TJP1: variants seen among roughly 807,000 people sequenced by gnomAD.
TJP1 encodes tight junction protein ZO-1.
Under a neutral mutation model 194.2 loss-of-function variants are expected in TJP1, and 43 were observed. That is an observed-to-expected ratio of 0.22 (90% CI 0.17 to 0.29). TJP1 has a LOEUF of 0.29. Among genes scored for constraint, TJP1 ranks in the 10% least tolerant of loss-of-function variants. TJP1 has a pLI of 1.00. For missense variants in TJP1, 1,971 were observed against 2,185.7 expected, an observed-to-expected ratio of 0.90 and a Z score of 1.96; for synonymous variants, 801 against 779.0, an observed-to-expected ratio of 1.03 and a Z score of -0.47.
At chr15:29,865,918 A>G (rs933720946) in intron 2 of TJP1, among the ~76,000 whole-genome samples, 1 of 152,228 alleles carries the variant, frequency 6.6e-6, no homozygotes, top group African/African-American at 2.4e-5. Flanking sequence ...TCAAATCGCC[A>G]GGCACTGTGC....
At chr15:29,951,737 C>T (rs1471771506) in intron 2 of TJP1, among the ~76,000 whole-genome samples, 2 of 152,142 alleles carry the variant, frequency 1.3e-5, no homozygotes, top group African/African-American at 4.8e-5. Context: ...GTTAAGGGAA[C>T]ATCACCATAA....
intron 2 of TJP1, among the ~76,000 whole-genome samples, chr15:29,884,008 C>G (rs542754742): frequency 2.0e-5 from 3 of 152,082 alleles, no homozygotes; most frequent in African/African-American, 7.2e-5. Context: ...CCCAGGAAAA[C>G]GATTTTAGGC....
At position 29,766,383 on chromosome 15, in the gene TJP1, C is replaced by T. The variant is rs761357149; in HGVS notation, c.472G>A (p.Asp158Asn). 1 of 1,614,178 alleles carries T rather than the reference C, an allele frequency of 6.2e-7. No individual in the cohort carries two copies. Among genetic ancestry groups the T allele is most frequent in the South Asian group, 1.1e-5 (1 of 91,080 alleles). The change falls in exon 5 of 28, where the codon GAT becomes AAT. Residue 158 changes from aspartate to asparagine, a missense_variant. By Grantham distance (23) the Asp-to-Asn change is conservative. Transcript: ENST00000614355. ...NRRSEKIWPRDRSASRERSLS... is the reference protein window; with the variant it reads ...NRRSEKIWPRNRSASRERSLS... Reference sequence around the variant, plus strand: ...CTCCTCTCTCTACTTGCACTTCTATCCCTCGGCCAAATCTTCTCACTCCTT... The same window carrying T: ...CTCCTCTCTCTACTTGCACTTCTATTCCTCGGCCAAATCTTCTCACTCCTT...
intron 2 of TJP1, among the ~76,000 whole-genome samples, chr15:29,869,644 CAGTCCCT>C (rs2052426242): frequency 8.6e-5 from 13 of 152,036 alleles, no homozygotes; most frequent in African/African-American, 2.4e-4. Flanking sequence ...GGCGACTTAT[CAGTCCCT>C]TGAAGCCAAA....
At position 29,898,487 on chromosome 15, in the gene TJP1, T is replaced by A. The variant is rs545984610; in HGVS notation, c.306+57745A>T. 2.3e-3 allele frequency among the ~76,000 whole-genome samples: 344 copies of A among 152,356 alleles called. 1 individual carries two copies. In the Middle Eastern group the frequency reaches 0.027, roughly 12 times the overall value. On this transcript the variant is annotated intron_variant, in intron 2 of 28. Coordinates refer to the TJP1 transcript ENST00000356107. Reference sequence around the variant, plus strand: ...CATTTATATAGGATCCCTCAGATTTTTTTTGAAAGCAACAACTTATTTAAT... The same window carrying A: ...CATTTATATAGGATCCCTCAGATTTATTTTGAAAGCAACAACTTATTTAAT...
chr15:29,912,494 G>C (rs1445703757), intron 2 of TJP1, among the ~76,000 whole-genome samples: 1 of 152,100 alleles, frequency 6.6e-6, no homozygotes, highest in East Asian at 1.9e-4. Context: ...CGGATCACAA[G>C]GTCAGGAGTT....
intron 2 of TJP1, among the ~76,000 whole-genome samples, chr15:29,941,687 A>G (rs1435870010): frequency 6.6e-6 from 1 of 152,094 alleles, no homozygotes; most frequent in Non-Finnish European, 1.5e-5. Flanking sequence ...AGTAGCTTTG[A>G]GCACTTCGTT....
At chr15:29,742,542 G>A in intron 9 of TJP1, 100 bp downstream of exon 9, 1 of 1,331,702 alleles carries the variant, frequency 7.5e-7, no homozygotes, top group Non-Finnish European at 9.9e-7. Context: ...TCACACATGA[G>A]AAGAATAATA....
At chr15:29,897,903 T>G (rs996669568) in intron 2 of TJP1, among the ~76,000 whole-genome samples, 1 of 152,214 alleles carries the variant, frequency 6.6e-6, no homozygotes, top group Admixed American at 6.5e-5. Context: ...TAACTTGCTT[T>G]TGATTTTACA....
chr15:29,726,233 C>T (rs2043227621), intron 18 of TJP1, 146 bp downstream of exon 18: 2 of 703,152 alleles, frequency 2.8e-6, no homozygotes, highest in Non-Finnish European at 4.8e-6. Context: ...AACCCCTACA[C>T]ACAAATTATA....
chr15:29,748,064 C>A (rs1337267384), intron 8 of TJP1, among the ~76,000 whole-genome samples: 1 of 152,056 alleles, frequency 6.6e-6, no homozygotes, highest in African/African-American at 2.4e-5. Flanking sequence ...TTCAATAATA[C>A]ATAAAGATCT....
At chr15:29,716,046 A>C (rs1259284442) in intron 23 of TJP1, among the ~76,000 whole-genome samples, 1 of 152,182 alleles carries the variant, frequency 6.6e-6, no homozygotes, top group East Asian at 1.9e-4. Flanking sequence ...AAAGGAGAAC[A>C]AACCAACACG....
chr15:29,725,906 G>A (rs1337145783), intron 18 of TJP1, among the ~76,000 whole-genome samples: 4 of 152,168 alleles, frequency 2.6e-5, no homozygotes, highest in African/African-American at 7.2e-5. Context: ...GAGGATACTC[G>A]TGAGGGGTCT....
At chr15:29,787,635 A>G (rs1400458691) in intron 2 of TJP1, among the ~76,000 whole-genome samples, 1 of 152,214 alleles carries the variant, frequency 6.6e-6, no homozygotes, top group East Asian at 1.9e-4. Context: ...TTCAGTTAGC[A>G]TAATGTTTTC....
intron 2 of TJP1, among the ~76,000 whole-genome samples, chr15:29,847,134 G>A (rs1311216802): frequency 2.0e-5 from 3 of 151,952 alleles, no homozygotes; most frequent in Non-Finnish European, 2.9e-5. Context: ...ACGGGGTCTT[G>A]CTCTGTCACC....
At position 29,822,243 on chromosome 15, in the gene TJP1, G is replaced by T; in HGVS notation, c.-215C>A. 2 of 1,171,872 alleles carry T rather than the reference G, an allele frequency of 1.7e-6. No homozygotes were observed. Among genetic ancestry groups the T allele is most frequent in the Non-Finnish European group, 2.1e-6 (2 of 949,286 alleles). 72.6% of individuals were successfully genotyped at this position (1,171,872 alleles called of 1,614,324 possible). On this transcript the variant is annotated 5_prime_UTR_variant, in exon 1 of 28. Transcript: ENST00000614355. ...CCCGCCCGGGTCTTCTCCACGGGGCGCGCCCGACCGGCACCTCCCTCCGAG... is the reference window on the plus strand; with the variant it reads ...CCCGCCCGGGTCTTCTCCACGGGGCTCGCCCGACCGGCACCTCCCTCCGAG...
At chr15:29,737,191 A>C (rs2044090417) in intron 11 of TJP1, 73 bp downstream of exon 11, 1 of 1,544,736 alleles carries the variant, frequency 6.5e-7, no homozygotes, top group Non-Finnish European at 8.8e-7. Context: ...TACAATAGTA[A>C]GCTTGTTGTT....
In TJP1 at chr15:29,705,583, G is replaced by A. The variant is rs764299023; in HGVS notation, c.5013C>T (p.Ile1671=). 1.1e-4 allele frequency: 180 copies of A among 1,614,096 alleles called. No homozygotes were observed. Among genetic ancestry groups the A allele is most frequent in the Non-Finnish European group, 1.4e-4 (170 of 1,180,046 alleles). The change falls in exon 26 of 28, where the codon ATC becomes ATT. Residue 1671 remains isoleucine, a synonymous_variant. Coordinates refer to ENST00000614355, the MANE Select transcript of TJP1 (RefSeq NM_001330239.4). Reference sequence around the variant, plus strand: ...TGTTGTCCCGGCAGACCTTGAAATAGATTTCCTGCTCAACTCCTTCGGGAA... The same window carrying A: ...TGTTGTCCCGGCAGACCTTGAAATAAATTTCCTGCTCAACTCCTTCGGGAA... ...GAIPEGVEQE[I]YFKVCRDNSI... is the part of the protein sequence containing the mutation.
At chr15:29,922,964 AC>A (rs1215147295) in intron 2 of TJP1, among the ~76,000 whole-genome samples, 19 of 145,558 alleles carry the variant, frequency 1.3e-4, no homozygotes, top group Non-Finnish European at 2.3e-4. Context: ...ATATGAAAAA[AC>A]TGTTTAATCT....
Sources: gnomAD v4.1 joint callset for allele counts (sites outside exome capture counted in the v4.1 genomes callset) on GRCh38, gnomAD v4.1.1 for gene constraint, MANE v1.5 for transcripts, NCBI Gene and HGNC (gene_info 2026-07-23, HGNC 2026-07-21) for gene names.